BMPR2: variants seen among roughly 807,000 people sequenced by gnomAD.
BMPR2 encodes bone morphogenetic protein receptor type-2.
Under a neutral mutation model 100.8 loss-of-function variants are expected in BMPR2, and 29 were observed. That is an observed-to-expected ratio of 0.29 (90% CI 0.21 to 0.39). BMPR2 has a LOEUF of 0.39. Ranked by LOEUF, BMPR2 falls within the 10% of genes least tolerant of loss-of-function variation. The pLI, the probability that BMPR2 is intolerant of heterozygous loss-of-function variation, is 1.00. For synonymous variants in BMPR2, 382 were observed against 442.3 expected (o/e 0.86, Z 1.71); for missense variants, 1,011 against 1,274.5 (o/e 0.79, Z 3.15).
At chr2:202,377,590 G>A in intron 1 of BMPR2, 40 bp downstream of exon 1, 1 of 1,610,280 alleles carries the variant, frequency 6.2e-7, no homozygotes, top group Non-Finnish European at 8.5e-7. Flanking sequence ...CACTGCCCCT[G>A]CGGGTGGCGA....
chr2:202,444,969 G>A (rs1397478786), intron 1 of BMPR2, among the ~76,000 whole-genome samples: 1 of 149,830 alleles, frequency 6.7e-6, no homozygotes, highest in Non-Finnish European at 1.5e-5. Context: ...TGTATTTTTA[G>A]TAGAGGTGGC....
intron 1 of BMPR2, among the ~76,000 whole-genome samples, chr2:202,450,565 C>T (rs1259594851): frequency 1.3e-5 from 2 of 151,956 alleles, no homozygotes; most frequent in East Asian, 3.9e-4. Flanking sequence ...GTGGCGCATG[C>T]CTATAATCCC....
intron 1 of BMPR2, among the ~76,000 whole-genome samples, chr2:202,410,822 G>A (rs1041944818): frequency 3.3e-5 from 5 of 152,062 alleles, no homozygotes; most frequent in South Asian, 2.1e-4. Context: ...ATCGTAATCC[G>A]CCCGCCTCGG....
intron 1 of BMPR2, among the ~76,000 whole-genome samples, chr2:202,378,708 T>A (rs1690209166): frequency 6.6e-6 from 1 of 152,218 alleles, no homozygotes; most frequent in Non-Finnish European, 1.5e-5. Context: ...TAATTTGAAC[T>A]TCTGAGTTTA....
In BMPR2 at chr2:202,393,629, G is replaced by A. The variant is rs1205764132; in HGVS notation, c.76+16079G>A. Among the ~76,000 whole-genome samples the A allele has an allele frequency of 2.0e-5, 3 of 151,826 alleles. No individual in the cohort carries two copies. In the East Asian group the frequency reaches 5.8e-4, roughly 29 times the overall value. The stretch of plus-strand genomic sequence containing the variant: ...AGTTTTAATGTTAGAAAGCCTTGAG[G>A]GTACTACTTGAAGCAAAGAATTATA... On this transcript the variant is annotated intron_variant, in intron 1 of 12. Transcript: ENST00000374580.
chr2:202,542,108 C>G (rs568908164), intron 9 of BMPR2, among the ~76,000 whole-genome samples: 38 of 144,858 alleles, frequency 2.6e-4, no homozygotes, highest in African/African-American at 7.9e-4. Context: ...AAGACTCCGT[C>G]TAAAAAAAAA....
chr2:202,522,667 C>CA (rs981869926), intron 7 of BMPR2, among the ~76,000 whole-genome samples: 4 of 151,750 alleles, frequency 2.6e-5, no homozygotes, highest in African/African-American at 7.3e-5. Flanking sequence ...CCCATCTCTA[C>CA]AAAAAAAGTT....
intron 3 of BMPR2, among the ~76,000 whole-genome samples, chr2:202,493,785 A>G (rs1692961619): frequency 6.6e-6 from 1 of 152,142 alleles, no homozygotes; most frequent in African/African-American, 2.4e-5. Flanking sequence ...ATTTAACTTT[A>G]GACTGTTATT....
At chr2:202,541,651 A>C (rs754616944) in intron 9 of BMPR2, among the ~76,000 whole-genome samples, 5 of 152,146 alleles carry the variant, frequency 3.3e-5, no homozygotes, top group Admixed American at 6.6e-5. Flanking sequence ...CCATGGGATC[A>C]GTGTTCAGGC....
At chr2:202,540,166 A>T (rs1688245308) in intron 9 of BMPR2, among the ~76,000 whole-genome samples, 1 of 152,292 alleles carries the variant, frequency 6.6e-6, no homozygotes, top group South Asian at 2.1e-4. Flanking sequence ...TTTTAAAATT[A>T]TAATTTGGAC....
At chr2:202,391,455 C>A (rs910345368) in intron 1 of BMPR2, among the ~76,000 whole-genome samples, 8 of 151,806 alleles carry the variant, frequency 5.3e-5, no homozygotes, top group African/African-American at 1.2e-4. Flanking sequence ...CAAGTGTGTA[C>A]CACCATGCCC....
At chr2:202,452,355 A>T (rs565973098) in intron 1 of BMPR2, among the ~76,000 whole-genome samples, 1 of 152,346 alleles carries the variant, frequency 6.6e-6, no homozygotes, top group East Asian at 1.9e-4. Flanking sequence ...ACTTATATGG[A>T]TGTATCACAT....
intron 3 of BMPR2, chr2:202,469,489 AT>A: frequency 4.1e-5 from 13 of 317,568 alleles, no homozygotes; most frequent in Non-Finnish European, 5.8e-5. Context: ...TTATTTATTT[AT>A]TTTTTTGAGA....
At chr2:202,502,789 C>A (rs1687425809) in intron 3 of BMPR2, among the ~76,000 whole-genome samples, 1 of 152,004 alleles carries the variant, frequency 6.6e-6, no homozygotes, top group African/African-American at 2.4e-5. Context: ...AAGATGCCAC[C>A]CAGCGTTTAC....
chr2:202,565,810 C>T lies in BMPR2; in HGVS notation c.*5864C>T, dbSNP rs1688750439. On this transcript the variant is annotated 3_prime_UTR_variant, in exon 13 of 13. Coordinates refer to ENST00000374580, the MANE Select transcript of BMPR2 (RefSeq NM_001204.7). ...ACTGGACTATACAACTTTCATTTAACTTTTAGGTGACTGATTTAAGTTGAG... is the reference window on the plus strand; with the variant it reads ...ACTGGACTATACAACTTTCATTTAATTTTTAGGTGACTGATTTAAGTTGAG... 6.6e-6 allele frequency: 1 copy of T among 152,112 alleles called. No homozygotes were observed. The highest frequency in any genetic ancestry group is 1.5e-5 in the Non-Finnish European group (1 of 67,994). The allele number at this position is 152,112 out of a possible 1,614,324, so 9.4% of individuals were successfully genotyped here.
chr2:202,518,295 AC>A (rs1461076394), intron 5 of BMPR2, among the ~76,000 whole-genome samples: 2 of 149,878 alleles, frequency 1.3e-5, no homozygotes, highest in African/African-American at 4.9e-5. Flanking sequence ...GTGCCATGAT[AC>A]CCGGCTAATT....
chr2:202,485,320 T>G (rs1034202888), intron 3 of BMPR2, among the ~76,000 whole-genome samples: 1 of 151,992 alleles, frequency 6.6e-6, no homozygotes, highest in Non-Finnish European at 1.5e-5. Context: ...AATTTGTTCT[T>G]GGACAGCTTT....
intron 10 of BMPR2, among the ~76,000 whole-genome samples, chr2:202,548,968 A>G (rs533239262): frequency 1.1e-4 from 16 of 152,300 alleles, no homozygotes; most frequent in African/African-American, 3.6e-4. Context: ...CCATCATCAC[A>G]GTCATGATTG....
At chr2:202,455,619 A>G (rs1692082009) in intron 1 of BMPR2, among the ~76,000 whole-genome samples, 1 of 152,202 alleles carries the variant, frequency 6.6e-6, no homozygotes, top group Non-Finnish European at 1.5e-5. Flanking sequence ...ATCCATTATA[A>G]TGAACTCCTT....
Sources: gnomAD v4.1 joint callset for allele counts (sites outside exome capture counted in the v4.1 genomes callset) on GRCh38, gnomAD v4.1.1 for gene constraint, MANE v1.5 for transcripts, NCBI Gene and HGNC (gene_info 2026-07-23, HGNC 2026-07-21) for gene names.